The following ZFR2 variants were observed in gnomAD, a reference collection of about 807,000 sequenced individuals.
ZFR2 encodes zinc finger RNA binding protein 2, also known as zinc finger RNA-binding protein 2.
In ZFR2, 104 loss-of-function variants were observed where a neutral mutation model predicts 105.7. That is an observed-to-expected ratio of 0.98 (90% CI 0.84 to 1.16). ZFR2 has a LOEUF of 1.16. Among genes scored for constraint, ZFR2 ranks in the 50% most tolerant of loss-of-function variants. The probability of loss-of-function intolerance (pLI) is 0.00; values close to 1 mark genes in which losing one functional copy is unlikely to be tolerated. For missense variants in ZFR2, 1,425 were observed against 1,355.5 expected (o/e 1.05, Z -0.80); for synonymous variants, 634 against 597.7 (o/e 1.06, Z -0.89).
chr19:3,838,485 T>C lies in ZFR2; in HGVS notation c.54-3502A>G, dbSNP rs1425339483. Among the ~76,000 whole-genome samples the C allele has an allele frequency of 6.6e-6, 1 of 152,160 alleles. No homozygotes were observed. Among genetic ancestry groups the C allele is most frequent in the African/African-American group, 2.4e-5 (1 of 41,440 alleles). ...AGAGCTGGCCTCAGCTGTACAGCCC[T>C]TGCTGGAGACCACCCCAGCCCCTCA... is the stretch of plus-strand genomic sequence containing the variant. On this transcript the variant is annotated intron_variant, in intron 1 of 18. Transcript: ENST00000262961. This position sits in a 1 kb window ranked among gnomAD's most constrained non-coding sequence, Gnocchi z 4.9.
intron 7 of ZFR2, among the ~76,000 whole-genome samples, chr19:3,824,641 A>G (rs140046428): frequency 0.01 from 1,590 of 152,254 alleles, 30 homozygotes; most frequent in African/African-American, 0.037. Context: ...ACCAGGCCAG[A>G]TTCTACCAGA....
intron 17 of ZFR2, among the ~76,000 whole-genome samples, chr19:3,808,632 G>A (rs1321609944): frequency 6.6e-6 from 1 of 152,250 alleles, no homozygotes; most frequent in Non-Finnish European, 1.5e-5. Flanking sequence ...CTCCTGGGTG[G>A]GGGCTGAGCC....
At chr19:3,810,698 G>T in intron 16 of ZFR2, 52 bp downstream of exon 16, 1 of 1,488,542 alleles carries the variant, frequency 6.7e-7, no homozygotes, top group Non-Finnish European at 9.1e-7. Flanking sequence ...TCAGGGCCAT[G>T]GAGGCCCTTG....
chr19:3,809,117 C>T (rs909986442), intron 16 of ZFR2, 134 bp from the exon 17 acceptor site: 7 of 624,858 alleles, frequency 1.1e-5, no homozygotes, highest in Non-Finnish European at 1.8e-5. Context: ...ACTGAACTTC[C>T]GCCGAGGAGG....
At chr19:3,854,262 G>A (rs2038273005) in intron 1 of ZFR2, among the ~76,000 whole-genome samples, 1 of 151,944 alleles carries the variant, frequency 6.6e-6, no homozygotes. Context: ...CATGGTAGCA[G>A]GCTTGTATAA....
chr19:3,866,563 A>C (rs1369014029), intron 1 of ZFR2, among the ~76,000 whole-genome samples: 1 of 152,224 alleles, frequency 6.6e-6, no homozygotes, highest in Non-Finnish European at 1.5e-5. Context: ...GAAGCTTAGC[A>C]ATCACCTATT....
intron 6 of ZFR2, 33 bp from the exon 7 acceptor site, chr19:3,825,440 G>A: frequency 6.5e-7 from 1 of 1,540,234 alleles, no homozygotes; most frequent in South Asian, 1.2e-5. Context: ...CCCGCGTGAG[G>A]GCCGCTCCCA....
chr19:3,863,758 G>A (rs2038399325), intron 1 of ZFR2, among the ~76,000 whole-genome samples: 1 of 152,288 alleles, frequency 6.6e-6, no homozygotes, highest in South Asian at 2.1e-4. Context: ...CCACACCACG[G>A]CTGCCTCTCT....
At chr19:3,867,926 G>C (rs1039570316) in intron 1 of ZFR2, among the ~76,000 whole-genome samples, 1 of 150,422 alleles carries the variant, frequency 6.6e-6, no homozygotes, top group South Asian at 2.1e-4. Context: ...TACCCTCCCA[G>C]GTCTCTGCCT....
chr19:3,822,208 A>T lies in ZFR2; in HGVS notation c.1372-8T>A. 1 of 1,579,960 alleles carries T rather than the reference A, an allele frequency of 6.3e-7. No individual in the cohort carries two copies. Among genetic ancestry groups the T allele is most frequent in the South Asian group, 1.2e-5 (1 of 86,530 alleles). ...CCCTTCGTCGCTGAACACCTGAGACACAGAACAGCCGCACGCGCACCAGGC... is the reference window on the plus strand; with the variant it reads ...CCCTTCGTCGCTGAACACCTGAGACTCAGAACAGCCGCACGCGCACCAGGC... On this transcript the variant is annotated splice_polypyrimidine_tract_variant and splice_region_variant and intron_variant, in intron 8 of 18. Transcript: ENST00000262961.
At chr19:3,857,701 A>G (rs925842520) in intron 1 of ZFR2, among the ~76,000 whole-genome samples, 7 of 151,526 alleles carry the variant, frequency 4.6e-5, no homozygotes, top group Non-Finnish European at 8.8e-5. Context: ...GTCTCAAAAA[A>G]AAAAAAAAAA....
intron 1 of ZFR2, among the ~76,000 whole-genome samples, chr19:3,844,527 C>T (rs1269438976): frequency 6.6e-6 from 1 of 152,070 alleles, no homozygotes; most frequent in African/African-American, 2.4e-5. Flanking sequence ...GCCACCATAC[C>T]TGGCTAATTT....
chr19:3,861,193 T>C (rs2038369445), intron 1 of ZFR2, among the ~76,000 whole-genome samples: 2 of 151,978 alleles, frequency 1.3e-5, no homozygotes, highest in African/African-American at 2.4e-5. Flanking sequence ...AATAGGTCCA[T>C]TTAAAAAGGC....
intron 1 of ZFR2, among the ~76,000 whole-genome samples, chr19:3,866,340 T>C (rs1240710488): frequency 1.3e-5 from 2 of 152,178 alleles, no homozygotes; most frequent in Non-Finnish European, 2.9e-5. Flanking sequence ...GAAGAACACA[T>C]TCTCTCTGCG....
chr19:3,811,455 C>T (rs2037764038), intron 14 of ZFR2, 89 bp from the exon 15 acceptor site: 13 of 1,219,582 alleles, frequency 1.1e-5, no homozygotes, highest in Non-Finnish European at 1.5e-5. Flanking sequence ...TTGGGCCCCT[C>T]GACGCTTTTT....
chr19:3,816,567 G>GT, intron 13 of ZFR2, 107 bp downstream of exon 13: 1 of 1,441,536 alleles, frequency 6.9e-7, no homozygotes, highest in South Asian at 1.4e-5. Flanking sequence ...GTACCTTAAA[G>GT]TTGTGTAGTA....
rs2038013392 is a variant in ZFR2, at chr19:3,831,408, G to A, written c.747C>T (p.Asp249=). The A allele has an allele frequency of 1.3e-6, 2 of 1,555,312 alleles. No homozygotes were observed. The change falls in exon 5 of 19, where the codon GAC becomes GAT. Residue 249 remains aspartate, a synonymous_variant. Transcript: ENST00000262961. ...PAGSGSSPRA[D]SKPPLPSKLP... is the part of the protein sequence containing the mutation. ...GCTTGCTGGGAAGCGGTGGCTTCGA[G>A]TCGGCCCTGGGGCTGCTTCCTGAGC...
intron 1 of ZFR2, among the ~76,000 whole-genome samples, chr19:3,868,601 T>A (rs2145204092): frequency 7.6e-6 from 1 of 131,422 alleles, no homozygotes; most frequent in South Asian, 2.9e-4. Context: ...CCCGGGTCTG[T>A]CCCCTCTCGC....
chr19:3,863,687 G>A (rs1026170666), intron 1 of ZFR2, among the ~76,000 whole-genome samples: 6 of 152,168 alleles, frequency 3.9e-5, no homozygotes, highest in African/African-American at 1.4e-4. Flanking sequence ...CGTAAAGGAT[G>A]GCAATAACAC....
Sources: gnomAD v4.1 joint callset for allele counts (sites outside exome capture counted in the v4.1 genomes callset) on GRCh38, gnomAD v4.1.1 for gene constraint, Gnocchi (gnomAD v3.1) non-coding constraint, MANE v1.5 for transcripts, NCBI Gene and HGNC (gene_info 2026-07-23, HGNC 2026-07-21) for gene names.